FCHSD2: variants seen among roughly 807,000 people sequenced by gnomAD.
FCHSD2 encodes F-BAR and double SH3 domains protein 2.
In FCHSD2, 38 loss-of-function variants were observed where a neutral mutation model predicts 108.1. That is an observed-to-expected ratio of 0.35 (90% CI 0.27 to 0.46). The LOEUF (loss-of-function observed/expected upper bound fraction) is 0.46. Ranked by LOEUF, FCHSD2 falls within the 20% of genes least tolerant of loss-of-function variation. The pLI is 1.00. For synonymous variants in FCHSD2, 279 were observed against 314.7 expected (o/e 0.89, Z 1.20); for missense variants, 751 against 897.8 (o/e 0.84, Z 2.09).
In FCHSD2 at chr11:73,003,276, A is replaced by G. The variant is rs80115797; in HGVS notation, c.243-2142T>C. On this transcript the variant is annotated intron_variant, in intron 4 of 19. Coordinates refer to ENST00000409418, the MANE Select transcript of FCHSD2 (RefSeq NM_014824.3). ...TGGCAAATGGAGAAATAACAAAAAT[A>G]CCTGCACCACTTACCTCACAGGGCT... is the stretch of plus-strand genomic sequence containing the variant. 8.0e-3 allele frequency among the ~76,000 whole-genome samples: 1,224 copies of G among 152,266 alleles called. 30 individuals carry two copies. The highest frequency in any genetic ancestry group is 0.028 in the Admixed American group (434 of 15,290).
At chr11:72,847,709 T>TC in intron 14 of FCHSD2, among the ~76,000 whole-genome samples, 1 of 150,738 alleles carries the variant, frequency 6.6e-6, no homozygotes, top group South Asian at 2.1e-4. Context: ...TTTTTTTTTT[T>TC]TGAGACAGAG....
At position 72,838,444 on chromosome 11, in the gene FCHSD2, A is replaced by G. The variant is rs1860798709; in HGVS notation, c.*347T>C. The G allele has an allele frequency of 6.1e-6, 2 of 326,820 alleles. No homozygotes were observed. Among genetic ancestry groups the G allele is most frequent in the Non-Finnish European group, 1.2e-5 (2 of 169,778 alleles). The allele number at this position is 326,820 out of a possible 1,614,324, so 20.2% of individuals were successfully genotyped here. A position where few individuals can be genotyped will look rare whatever the true frequency, so the allele number is the denominator to read the frequency against. ...TCACAGTAATATACTGTACGAGTGC[A>G]CATGATCAGTAATTTAGGGACTGTG... is the stretch of plus-strand genomic sequence containing the variant. On this transcript the variant is annotated 3_prime_UTR_variant, in exon 20 of 20. Transcript: ENST00000409418.
At chr11:73,051,463 C>T (rs1858896632) in intron 3 of FCHSD2, among the ~76,000 whole-genome samples, 1 of 151,832 alleles carries the variant, frequency 6.6e-6, no homozygotes, top group Admixed American at 6.6e-5. Context: ...TATTTTTACA[C>T]CTAATTTACA....
intron 3 of FCHSD2, among the ~76,000 whole-genome samples, chr11:73,080,666 G>T (rs920495471): frequency 6.6e-6 from 1 of 152,112 alleles, no homozygotes; most frequent in Non-Finnish European, 1.5e-5. Context: ...TATAGAGGCT[G>T]GGCATGGTGG....
At chr11:73,101,166 C>G (rs540181666) in intron 2 of FCHSD2, among the ~76,000 whole-genome samples, 1 of 152,096 alleles carries the variant, frequency 6.6e-6, no homozygotes, top group Non-Finnish European at 1.5e-5. Flanking sequence ...GGTTTAGTTC[C>G]GACCTGAAGG....
At chr11:73,135,077 C>T (rs1318345120) in intron 2 of FCHSD2, among the ~76,000 whole-genome samples, 1 of 152,232 alleles carries the variant, frequency 6.6e-6, no homozygotes, top group African/African-American at 2.4e-5. Context: ...TGGTCTCGAA[C>T]TCCTGACCTC....
At position 72,837,894 on chromosome 11, in the gene FCHSD2, A is replaced by C. The variant is rs969228405; in HGVS notation, c.*897T>G. 3 of 152,226 alleles carry C rather than the reference A, an allele frequency of 2.0e-5. No homozygotes were observed. The highest frequency in any genetic ancestry group is 1.3e-4 in the Admixed American group (2 of 15,284). 9.4% of individuals were successfully genotyped at this position (152,226 alleles called of 1,614,324 possible). A position where few individuals can be genotyped will look rare whatever the true frequency, so the allele number is the denominator to read the frequency against. Reference sequence around the variant, plus strand: ...CGGGGCGTCCCCAGTAGAGAAGCTCAACAATGCAGGTATGTGTCCTCAACT... The same window carrying C: ...CGGGGCGTCCCCAGTAGAGAAGCTCCACAATGCAGGTATGTGTCCTCAACT... On this transcript the variant is annotated 3_prime_UTR_variant, in exon 20 of 20. Coordinates refer to ENST00000409418, the MANE Select transcript of FCHSD2 (RefSeq NM_014824.3).
At chr11:72,946,209 T>C (rs1856516028) in intron 8 of FCHSD2, among the ~76,000 whole-genome samples, 1 of 152,084 alleles carries the variant, frequency 6.6e-6, no homozygotes, top group African/African-American at 2.4e-5. Flanking sequence ...TGGAATACTA[T>C]GCAGCCATAA....
chr11:72,990,371 G>T (rs908976463), intron 5 of FCHSD2, among the ~76,000 whole-genome samples: 1 of 152,012 alleles, frequency 6.6e-6, no homozygotes. Flanking sequence ...TATCTGATAG[G>T]AACCCTCCAC....
At chr11:72,851,388 G>A (rs1424461234) in intron 13 of FCHSD2, among the ~76,000 whole-genome samples, 1 of 152,040 alleles carries the variant, frequency 6.6e-6, no homozygotes, top group Non-Finnish European at 1.5e-5. Flanking sequence ...CCATCAACAG[G>A]GGAATGTTTG....
At chr11:72,887,597 AATG>A in intron 11 of FCHSD2, 23 bp from the exon 12 acceptor site, 2 of 1,404,244 alleles carry the variant, frequency 1.4e-6, no homozygotes, top group Non-Finnish European at 9.7e-7. Flanking sequence ...ATGGGACAAT[AATG>A]ATGACTGTTT....
intron 12 of FCHSD2, among the ~76,000 whole-genome samples, chr11:72,883,062 T>C (rs1855122602): frequency 6.6e-6 from 1 of 151,852 alleles, no homozygotes; most frequent in Admixed American, 6.5e-5. Flanking sequence ...AAAAGCATAC[T>C]CTTTAAAATA....
intron 8 of FCHSD2, among the ~76,000 whole-genome samples, chr11:72,933,746 T>C (rs778230653): frequency 4.1e-4 from 62 of 152,326 alleles, no homozygotes; most frequent in African/African-American, 1.4e-3. Context: ...AGACAATTTT[T>C]ATGTCAAAGC....
At chr11:73,064,354 C>G (rs1247238937) in intron 3 of FCHSD2, among the ~76,000 whole-genome samples, 1 of 151,972 alleles carries the variant, frequency 6.6e-6, no homozygotes, top group African/African-American at 2.4e-5. Flanking sequence ...AAAATTGATA[C>G]CCTAACATCA....
At chr11:73,093,624 C>T (rs1358959499) in intron 2 of FCHSD2, among the ~76,000 whole-genome samples, 1 of 151,386 alleles carries the variant, frequency 6.6e-6, no homozygotes, top group Non-Finnish European at 1.5e-5. Context: ...TTTTTGAGAC[C>T]GAGTTTCGCT....
At position 73,087,749 on chromosome 11, in the gene FCHSD2, G is replaced by A. The variant is rs537046022; in HGVS notation, c.120-4009C>T. 1.6e-4 allele frequency among the ~76,000 whole-genome samples: 24 copies of A among 152,018 alleles called. No homozygotes were observed. The South Asian group carries it at 5.0e-3, about 32-fold the overall frequency. Reference sequence around the variant, plus strand: ...TTAAAATAAATTTAGTGCAGCCTAAGTGTATAGTGTAATAAATAAACAGCC... The same window carrying A: ...TTAAAATAAATTTAGTGCAGCCTAAATGTATAGTGTAATAAATAAACAGCC... On this transcript the variant is annotated intron_variant, in intron 2 of 19. Transcript: ENST00000409418.
At chr11:72,903,954 AAG>A (rs1423499080) in intron 9 of FCHSD2, among the ~76,000 whole-genome samples, 2 of 152,200 alleles carry the variant, frequency 1.3e-5, no homozygotes, top group African/African-American at 4.8e-5. Context: ...ACACAGGGAT[AAG>A]GGGGATATAT....
At chr11:72,929,249 G>A (rs1291581915) in intron 8 of FCHSD2, among the ~76,000 whole-genome samples, 1 of 152,172 alleles carries the variant, frequency 6.6e-6, no homozygotes, top group African/African-American at 2.4e-5. Context: ...GTAATGGGAT[G>A]GCTAGGTCAA....
In FCHSD2 at chr11:73,108,735, AT is replaced by A. The variant is rs925066382; in HGVS notation, c.120-24996del. Among the ~76,000 whole-genome samples the A allele has an allele frequency of 8.6e-5, 13 of 150,752 alleles. No homozygotes were observed. In the South Asian group the frequency reaches 1.5e-3, roughly 17 times the overall value. On this transcript the variant is annotated intron_variant, in intron 2 of 19. Coordinates refer to ENST00000409418, the MANE Select transcript of FCHSD2 (RefSeq NM_014824.3). ...AGGCGCCCGCCACCGCGCCCGGCTA[AT>A]TTTTTTTTGTATTTTTAGTAGAGAC...
Sources: allele counts gnomAD v4.1 joint callset (sites outside exome capture counted in the v4.1 genomes callset), GRCh38; gene constraint gnomAD v4.1.1; transcripts MANE v1.5; gene names NCBI Gene and HGNC (gene_info 2026-07-23, HGNC 2026-07-21).